IL17RE: variants seen among roughly 807,000 people sequenced by gnomAD.
The protein encoded by IL17RE is interleukin-17 receptor E.
In IL17RE, 47 loss-of-function variants were observed where a neutral mutation model predicts 70.7. The observed-to-expected ratio is 0.67, with a 90% CI of 0.53 to 0.85. The LOEUF (loss-of-function observed/expected upper bound fraction) is 0.85, where lower values mean the gene tolerates loss of function less well. IL17RE is among the 40% of genes least tolerant of loss of function. The pLI is 0.00. For missense variants in IL17RE, 850 were observed against 893.9 expected (o/e 0.95, Z 0.63); for synonymous variants, 372 against 381.2 (o/e 0.98, Z 0.28).
At chr3:9,914,201 T>G (rs917006174) in intron 13 of IL17RE, among the ~76,000 whole-genome samples, 177 bp downstream of exon 13, 6 of 152,236 alleles carry the variant, frequency 3.9e-5, no homozygotes, top group African/African-American at 1.4e-4. Flanking sequence ...TGGCCTCTGT[T>G]GAAAAATCAG....
chr3:9,903,421 C>T lies in IL17RE; in HGVS notation c.148+9C>T, dbSNP rs2082682363. The T allele has an allele frequency of 6.2e-7, 1 of 1,613,928 alleles. No individual in the cohort carries two copies. Among genetic ancestry groups the T allele is most frequent in the Non-Finnish European group, 8.5e-7 (1 of 1,179,986 alleles). On this transcript the variant is annotated intron_variant, in intron 2 of 15. Transcript: ENST00000383814. ...GGATGACAGTTTCACTGGTGAGTCG[C>T]ATTTCCTGCCCCATTGCTCCTCCCC...
chr3:9,909,252 A>C lies in IL17RE; in HGVS notation c.771A>C (p.Lys257Asn), dbSNP rs765974050. Reference sequence around the variant, plus strand: ...TGCAAGAGGACACTGTGAGGCGCAAAAAATGTCCCTTCCAGAGCTGGCCAG... The same window carrying C: ...TGCAAGAGGACACTGTGAGGCGCAACAAATGTCCCTTCCAGAGCTGGCCAG... ...SYLQEDTVRR[K>N]KCPFQSWPEA... is the part of the protein sequence containing the mutation. The change falls in exon 8 of 16, where the codon AAA becomes AAC. Residue 257 changes from lysine (K) to asparagine (N), a missense_variant. By Grantham distance (94) the Lys-to-Asn change is moderately conservative (BLOSUM62 0). Transcript: ENST00000383814. The C allele has an allele frequency of 1.9e-6, 3 of 1,613,972 alleles. No individual in the cohort carries two copies. The highest frequency in any genetic ancestry group is 3.3e-5 in the Admixed American group (2 of 59,986).
chr3:9,909,440 G>GT, intron 8 of IL17RE, 157 bp downstream of exon 8: 1 of 692,810 alleles, frequency 1.4e-6, no homozygotes, highest in Non-Finnish European at 2.5e-6. Context: ...CCTGGAGTCA[G>GT]TGGGGGGAAA....
At chr3:9,911,637 C>T in intron 12 of IL17RE, 40 bp downstream of exon 12, 1 of 1,575,338 alleles carries the variant, frequency 6.3e-7, no homozygotes, top group Non-Finnish European at 8.7e-7. Context: ...GCTCAGAGCA[C>T]AGCCCTCAAT....
chr3:9,902,638 TGCTA>T, upstream of IL17RE: 1 of 1,536,134 alleles, frequency 6.5e-7, no homozygotes, highest in Non-Finnish European at 8.7e-7. Context: ...CCCAACCTGA[TGCTA>T]GCCCCTTTCC....
At chr3:9,904,249 C>G in intron 3 of IL17RE, 98 bp downstream of exon 3, 2 of 1,393,036 alleles carry the variant, frequency 1.4e-6, no homozygotes, top group Non-Finnish European at 2.0e-6. Flanking sequence ...AGATATTTGT[C>G]TTGTTTTAAC....
At chr3:9,902,834 C>A, upstream of IL17RE, 1 of 1,600,066 alleles carries the variant, frequency 6.2e-7, no homozygotes, top group Non-Finnish European at 8.5e-7. Context: ...GGGGCGAGGG[C>A]TCCTGCTGGT....
chr3:9,902,725 C>T (rs775775739), upstream of IL17RE: 5 of 1,534,660 alleles, frequency 3.3e-6, no homozygotes, highest in South Asian at 4.8e-5. Context: ...GGGGCACAAG[C>T]TTTCCTCAGT....
chr3:9,911,833 G>A lies in IL17RE; in HGVS notation c.1227+236G>A, dbSNP rs62245460. On this transcript the variant is annotated intron_variant, in intron 12 of 15. Coordinates refer to ENST00000383814, the MANE Select transcript of IL17RE (RefSeq NM_153480.2). Reference sequence around the variant, plus strand: ...TTTTTTTTTTTTGAGACAGAGTCTCGCTCTGTCACCCAGGCTGGAGTGCAG... The same window carrying A: ...TTTTTTTTTTTTGAGACAGAGTCTCACTCTGTCACCCAGGCTGGAGTGCAG... 1.5e-3 allele frequency: 625 copies of A among 411,026 alleles called. 6 individuals are homozygous for A. The highest frequency in any genetic ancestry group is 0.014 in the South Asian group (388 of 27,612). The allele number at this position is 411,026 out of a possible 1,614,324, so 25.5% of individuals were successfully genotyped here. A position where few individuals can be genotyped will look rare whatever the true frequency, so the allele number is the denominator to read the frequency against.
At chr3:9,909,440 G>T in intron 8 of IL17RE, 157 bp downstream of exon 8, 2 of 692,810 alleles carry the variant, frequency 2.9e-6, no homozygotes, top group South Asian at 3.6e-5. Context: ...CCTGGAGTCA[G>T]TGGGGGGAAA....
chr3:9,906,290 T>A, intron 3 of IL17RE, 74 bp from the exon 4 acceptor site: 1 of 699,320 alleles, frequency 1.4e-6, no homozygotes, highest in Admixed American at 2.5e-5. Context: ...AATTACTTAC[T>A]AACACTGGGC....
At chr3:9,903,847 A>T (rs996161298) in intron 2 of IL17RE, among the ~76,000 whole-genome samples, 185 bp from the exon 3 acceptor site, 3 of 152,156 alleles carry the variant, frequency 2.0e-5, no homozygotes, top group Admixed American at 1.3e-4. Flanking sequence ...TTTCCCATAC[A>T]CTACAATTTT....
intron 13 of IL17RE, chr3:9,914,321 C>A: frequency 8.4e-7 from 1 of 1,191,886 alleles, no homozygotes; most frequent in Non-Finnish European, 1.1e-6. Flanking sequence ...CTCACAGCAG[C>A]CCTGGTCAAC....
In IL17RE at chr3:9,906,880, C is replaced by A; in HGVS notation, c.526+15C>A. The A allele has an allele frequency of 6.2e-7, 1 of 1,614,136 alleles. No homozygotes were observed. The highest frequency in any genetic ancestry group is 8.5e-7 in the Non-Finnish European group (1 of 1,180,024). ...AAGGCATGGAGGTGGGCACTGGGTACAACAGGAGATGGGTTCAGCTGAGTG... is the reference window on the plus strand; with the variant it reads ...AAGGCATGGAGGTGGGCACTGGGTAAAACAGGAGATGGGTTCAGCTGAGTG... On this transcript the variant is annotated intron_variant, in intron 5 of 15. Transcript: ENST00000383814.
In IL17RE at chr3:9,911,150, C is replaced by A; in HGVS notation, c.1002C>A (p.Asp334Glu). ...SDGWYVLEKV[D>E]LHPQLCFKFS... ...AGTGGTATGTTTTGGAGAAGGTGGA[C>A]CTGCACCCCCAGCTCTGCTTCAAGG... Residue 334 changes from aspartate to glutamate, a missense_variant, in exon 10 of 16, where the codon GAC (aspartate) becomes GAA (glutamate). Coordinates refer to ENST00000383814, the MANE Select transcript of IL17RE (RefSeq NM_153480.2). 2 of 1,614,180 alleles carry A rather than the reference C, an allele frequency of 1.2e-6. No individual in the cohort carries two copies. Among genetic ancestry groups the A allele is most frequent in the Non-Finnish European group, 1.7e-6 (2 of 1,180,036 alleles).
At chr3:9,914,635 T>C (rs1298518069) in intron 14 of IL17RE, 36 bp downstream of exon 14, 3 of 1,613,026 alleles carry the variant, frequency 1.9e-6, no homozygotes, top group Admixed American at 3.3e-5. Context: ...AGAGGGAGGC[T>C]GGGCACTGAG....
Position 9,902,913 on chromosome 3 carries a change from C to T in IL17RE, c.-20C>T. On this transcript the variant is annotated 5_prime_UTR_variant, in exon 1 of 16. Coordinates refer to ENST00000383814, the MANE Select transcript of IL17RE (RefSeq NM_153480.2). The stretch of plus-strand genomic sequence containing the variant: ...AGGCCATGCAGCCATGTTCCGGGAG[C>T]CCTAATTGCACAGAAGCCCATGGGG... The T allele has an allele frequency of 1.2e-6, 2 of 1,614,212 alleles. 1 individual carries two copies. Among genetic ancestry groups the T allele is most frequent in the South Asian group, 2.2e-5 (2 of 91,086 alleles).
At chr3:9,903,739 A>G (rs1342211289) in intron 2 of IL17RE, among the ~76,000 whole-genome samples, 2 of 152,212 alleles carry the variant, frequency 1.3e-5, no homozygotes. Context: ...CAGGTTCTCC[A>G]TATATGTTGG....
chr3:9,915,330 T>G lies in IL17RE; in HGVS notation c.1527T>G (p.Ala509=), dbSNP rs748564500. The G allele has an allele frequency of 2.1e-6, 3 of 1,397,134 alleles. No homozygotes were observed. The highest frequency in any genetic ancestry group is 2.8e-6 in the Non-Finnish European group (3 of 1,084,786). 86.5% of individuals were successfully genotyped at this position (1,397,134 alleles called of 1,614,324 possible). A position where few individuals can be genotyped will look rare whatever the true frequency, so the allele number is the denominator to read the frequency against. The change falls in exon 16 of 16, where the codon GCT becomes GCG. Residue 509 remains alanine (A), a synonymous_variant. Coordinates refer to ENST00000383814, the MANE Select transcript of IL17RE (RefSeq NM_153480.2). This position sits in a 1 kb window ranked among gnomAD's most constrained non-coding sequence, Gnocchi z 4.9. ...EAQRRLVGAL[A]ELLRAALGGG... ...AGCGGCGCCTGGTGGGAGCGCTGGC[T>G]GAACTGCTACGGGCAGCGCTGGGCG...
Sources: allele counts gnomAD v4.1 joint callset (sites outside exome capture counted in the v4.1 genomes callset), GRCh38; gene constraint gnomAD v4.1.1; non-coding constraint Gnocchi (gnomAD v3.1); transcripts MANE v1.5; gene names NCBI Gene and HGNC (gene_info 2026-07-23, HGNC 2026-07-21).